GALNTL6: variants seen among roughly 807,000 people sequenced by gnomAD.
GALNTL6 encodes polypeptide N-acetylgalactosaminyltransferase-like 6.
In GALNTL6, 46 loss-of-function variants were observed where a neutral mutation model predicts 73.7. The ratio of observed to expected loss-of-function variants is 0.62; its 90% CI spans 0.49 to 0.80. GALNTL6 has a LOEUF of 0.80. Ranked by LOEUF, GALNTL6 falls within the 30% of genes least tolerant of loss-of-function variation. GALNTL6 has a pLI of 0.00. For missense variants in GALNTL6, 604 were observed against 755.0 expected (o/e 0.80, Z 2.34); for synonymous variants, 259 against 263.7 (o/e 0.98, Z 0.17).
intron 3 of GALNTL6, among the ~76,000 whole-genome samples, chr4:172,236,492 A>G (rs1737243537): frequency 6.7e-6 from 1 of 149,378 alleles, no homozygotes; most frequent in Non-Finnish European, 1.5e-5. Flanking sequence ...CCCGGGAGGC[A>G]GGGCTTGCAG....
intron 10 of GALNTL6, among the ~76,000 whole-genome samples, chr4:172,988,578 T>C (rs1389572195): frequency 6.6e-6 from 1 of 152,242 alleles, no homozygotes; most frequent in Non-Finnish European, 1.5e-5. Context: ...CAAATATTAA[T>C]AGCCAAAACA....
intron 2 of GALNTL6, among the ~76,000 whole-genome samples, chr4:171,954,511 C>T (rs1045768332): frequency 6.6e-6 from 1 of 151,938 alleles, no homozygotes. Flanking sequence ...CTGATTCATG[C>T]AAAGTTAAAA....
intron 5 of GALNTL6, among the ~76,000 whole-genome samples, chr4:172,418,336 T>G (rs905103343): frequency 2.0e-5 from 3 of 152,206 alleles, no homozygotes; most frequent in Non-Finnish European, 2.9e-5. Flanking sequence ...GATGTAGGGC[T>G]TGGCCAATAT....
intron 7 of GALNTL6, among the ~76,000 whole-genome samples, chr4:172,867,125 C>G (rs1406130092): frequency 6.6e-6 from 1 of 152,126 alleles, no homozygotes; most frequent in Non-Finnish European, 1.5e-5. Context: ...TCTTGACATT[C>G]ATTAATTTGT....
At chr4:172,493,145 T>G (rs971485352) in intron 5 of GALNTL6, among the ~76,000 whole-genome samples, 33 of 152,330 alleles carry the variant, frequency 2.2e-4, no homozygotes, top group African/African-American at 7.5e-4. Context: ...AATAATAATT[T>G]TATTATCTTT....
At chr4:172,071,536 T>A (rs1731533749) in intron 2 of GALNTL6, among the ~76,000 whole-genome samples, 1 of 110,750 alleles carries the variant, frequency 9.0e-6, no homozygotes, top group African/African-American at 3.4e-5. Context: ...GTAAAACCCT[T>A]TTGGTGTTCT....
intron 5 of GALNTL6, among the ~76,000 whole-genome samples, chr4:172,774,038 T>G (rs1196670575): frequency 6.6e-6 from 1 of 152,140 alleles, no homozygotes; most frequent in Non-Finnish European, 1.5e-5. Context: ...ATATTGATGA[T>G]TTATTGTGAA....
intron 2 of GALNTL6, among the ~76,000 whole-genome samples, chr4:171,930,677 A>C (rs932667618): frequency 6.6e-6 from 1 of 152,054 alleles, no homozygotes; most frequent in Admixed American, 6.6e-5. Flanking sequence ...TCTACTAAAA[A>C]ATAAAAAAAA....
At chr4:172,417,116 T>C (rs1730867011) in intron 5 of GALNTL6, among the ~76,000 whole-genome samples, 1 of 152,176 alleles carries the variant, frequency 6.6e-6, no homozygotes, top group African/African-American at 2.4e-5. Flanking sequence ...GTGAGAAACC[T>C]TAATATTGTC....
chr4:172,911,181 T>C (rs962890328), intron 8 of GALNTL6, among the ~76,000 whole-genome samples: 2 of 152,242 alleles, frequency 1.3e-5, no homozygotes, highest in African/African-American at 2.4e-5. Context: ...TTTGACTCCC[T>C]GGAAGGGTAA....
At chr4:172,613,925 T>C (rs1241236384) in intron 5 of GALNTL6, among the ~76,000 whole-genome samples, 1 of 152,150 alleles carries the variant, frequency 6.6e-6, no homozygotes, top group African/African-American at 2.4e-5. Flanking sequence ...AGGCATTTTG[T>C]TCTAGCTACA....
chr4:172,094,955 GT>G (rs1163757363), intron 2 of GALNTL6, among the ~76,000 whole-genome samples: 137 of 128,252 alleles, frequency 1.1e-3, no homozygotes, highest in African/African-American at 3.9e-3. Context: ...TTTGTTTTTT[GT>G]TTTTTTTTCC....
chr4:172,556,165 T>C (rs1386082393), intron 5 of GALNTL6, among the ~76,000 whole-genome samples: 2 of 152,114 alleles, frequency 1.3e-5, no homozygotes, highest in Admixed American at 6.6e-5. Context: ...AATCATAATA[T>C]AGTGAAATAG....
intron 5 of GALNTL6, among the ~76,000 whole-genome samples, chr4:172,460,564 A>T (rs1579092075): frequency 6.6e-6 from 1 of 152,248 alleles, no homozygotes; most frequent in South Asian, 2.1e-4. Flanking sequence ...AAGGATATGA[A>T]CAGACACTTC....
At chr4:172,322,501 T>A (rs1334558504) in intron 4 of GALNTL6, among the ~76,000 whole-genome samples, 1 of 152,132 alleles carries the variant, frequency 6.6e-6, no homozygotes, top group African/African-American at 2.4e-5. Context: ...ACTGGGTAAC[T>A]TATAAAGAAA....
chr4:172,902,010 CAG>C (rs1435692268), intron 8 of GALNTL6, among the ~76,000 whole-genome samples: 1 of 152,158 alleles, frequency 6.6e-6, no homozygotes, highest in African/African-American at 2.4e-5. Flanking sequence ...GGTTGGGGGA[CAG>C]AGACAGTATT....
At chr4:172,550,059 G>A (rs1399766386) in intron 5 of GALNTL6, among the ~76,000 whole-genome samples, 1 of 151,950 alleles carries the variant, frequency 6.6e-6, no homozygotes, top group Non-Finnish European at 1.5e-5. Flanking sequence ...CATGCAGTTT[G>A]CTTCAATTTT....
intron 8 of GALNTL6, among the ~76,000 whole-genome samples, chr4:172,898,434 T>G (rs1232184102): frequency 6.6e-6 from 1 of 150,550 alleles, no homozygotes; most frequent in Non-Finnish European, 1.5e-5. Flanking sequence ...TACTCCAAAC[T>G]ATCAAGATGG....
chr4:171,845,874 G>A (rs1735355244), intron 2 of GALNTL6, among the ~76,000 whole-genome samples: 1 of 152,148 alleles, frequency 6.6e-6, no homozygotes, highest in African/African-American at 2.4e-5. Context: ...GTTCCATTAT[G>A]TAATTCATGT....
Sources: allele counts gnomAD v4.1 joint callset (sites outside exome capture counted in the v4.1 genomes callset), GRCh38; gene constraint gnomAD v4.1.1; transcripts MANE v1.5; gene names NCBI Gene and HGNC (gene_info 2026-07-23, HGNC 2026-07-21).